Variants in TRDMT1 observed in about 807,000 individuals in gnomAD.
TRDMT1 encodes the protein tRNA aspartic acid methyltransferase 1.
Under a neutral mutation model 51.2 loss-of-function variants are expected in TRDMT1, and 49 were observed. That is an observed-to-expected ratio of 0.96 (90% CI 0.76 to 1.21). TRDMT1 has a LOEUF of 1.21. TRDMT1 is among the 50% of genes most tolerant of loss of function. The pLI is 0.00. For synonymous variants in TRDMT1, 187 were observed against 164.6 expected (o/e 1.14, Z -1.04); for missense variants, 534 against 462.3 (o/e 1.16, Z -1.42).
intron 1 of TRDMT1, among the ~76,000 whole-genome samples, chr10:17,194,318 A>C (rs1387295122): frequency 6.6e-6 from 1 of 152,204 alleles, no homozygotes; most frequent in Non-Finnish European, 1.5e-5. Flanking sequence ...GGACCTAATT[A>C]AACTACAGAC....
intron 1 of TRDMT1, among the ~76,000 whole-genome samples, chr10:17,197,896 T>C (rs1230530874): frequency 6.6e-6 from 1 of 152,002 alleles, no homozygotes; most frequent in Non-Finnish European, 1.5e-5. Flanking sequence ...TAGCCAGGCA[T>C]GGTGGCAGGG....
chr10:17,176,579 T>G (rs1052879203), intron 1 of TRDMT1, among the ~76,000 whole-genome samples: 3 of 152,220 alleles, frequency 2.0e-5, no homozygotes, highest in Non-Finnish European at 2.9e-5. Flanking sequence ...TATTTTAGAC[T>G]GTTATAAAAT....
Position 17,147,484 on chromosome 10 carries a change from A to G in TRDMT1, c.*1556T>C. The stretch of plus-strand genomic sequence containing the variant: ...AGTACACTCACACTGTTGTGCAACC[A>G]TCCTCCCCATCCACCTCCAGAACTT... On this transcript the variant is annotated 3_prime_UTR_variant, in exon 11 of 11. Transcript: ENST00000377799. 1.0e-5 allele frequency: 4 copies of G among 390,928 alleles called. No individual in the cohort carries two copies. The highest frequency in any genetic ancestry group is 1.0e-5 in the Non-Finnish European group (3 of 286,636). 24.2% of individuals were successfully genotyped at this position (390,928 alleles called of 1,614,324 possible).
At chr10:17,172,165 CAAAAT>C (rs1397328590) in intron 2 of TRDMT1, 1 of 160,218 alleles carries the variant, frequency 6.2e-6, no homozygotes, top group Non-Finnish European at 1.5e-5. Flanking sequence ...CAGAGCACAT[CAAAAT>C]AAAACTTTTC....
Position 17,201,506 on chromosome 10 carries a change from C to T in TRDMT1, c.64+65G>A, listed in dbSNP as rs1023869985. On this transcript the variant is annotated intron_variant, in intron 1 of 10. Transcript: ENST00000377799. ...TGCGTCTCGCCGCTCCGCCCCTTCC[C>T]GGCGCGGGTGCTCCAACCAGCCCCC... is the stretch of plus-strand genomic sequence containing the variant. 1.7e-4 allele frequency: 229 copies of T among 1,386,496 alleles called. 1 individual carries two copies. The highest frequency in any genetic ancestry group is 3.6e-4 in the Middle Eastern group (2 of 5,626). 85.9% of individuals were successfully genotyped at this position (1,386,496 alleles called of 1,614,324 possible). A position where few individuals can be genotyped will look rare whatever the true frequency, so the allele number is the denominator to read the frequency against.
At chr10:17,157,878 T>C (rs923498525) in intron 7 of TRDMT1, 94 bp from the exon 8 acceptor site, 1 of 907,618 alleles carries the variant, frequency 1.1e-6, no homozygotes, top group Non-Finnish European at 1.6e-6. Context: ...AACAACCTCA[T>C]TAGCCTTTAT....
chr10:17,156,094 T>C (rs1339852111), intron 8 of TRDMT1, among the ~76,000 whole-genome samples: 1 of 152,150 alleles, frequency 6.6e-6, no homozygotes, highest in Non-Finnish European at 1.5e-5. Flanking sequence ...ATGGTTCTAC[T>C]GGGGTACAGT....
rs76162898 is a variant in TRDMT1, at chr10:17,169,921, C to T, written c.175-1004G>A. 9.3e-3 allele frequency among the ~76,000 whole-genome samples: 1,411 copies of T among 152,246 alleles called. 12 individuals are homozygous for T. Among genetic ancestry groups the T allele is most frequent in the Non-Finnish European group, 0.015 (997 of 68,018 alleles). On this transcript the variant is annotated intron_variant, in intron 2 of 10. Transcript: ENST00000377799. ...ACTCCCCAGTGTTAAGGAAAGCAAT[C>T]TGAAAATCCTACACTGAGCAGTCTG...
rs1482751905 is a variant in TRDMT1 at position 17,183,122 on chromosome 10, C to G, written c.65-8462G>C. 3.3e-5 allele frequency among the ~76,000 whole-genome samples: 5 copies of G among 152,246 alleles called. No individual in the cohort carries two copies. The East Asian group carries it at 9.6e-4, about 29-fold the overall frequency. On this transcript the variant is annotated intron_variant, in intron 1 of 10. Transcript: ENST00000377799. Reference sequence around the variant, plus strand: ...CAAGTATGTAAAGATAAGAGTGTATCATTACATACATGTATGAAAATAGAG... The same window carrying G: ...CAAGTATGTAAAGATAAGAGTGTATGATTACATACATGTATGAAAATAGAG...
intron 2 of TRDMT1, among the ~76,000 whole-genome samples, chr10:17,171,320 G>C (rs562368366): frequency 5.9e-5 from 9 of 152,278 alleles, no homozygotes; most frequent in African/African-American, 2.2e-4. Context: ...CACCTGAAGA[G>C]TGTGCCATTC....
At position 17,175,901 on chromosome 10, in the gene TRDMT1, G is replaced by A. The variant is rs534472947; in HGVS notation, c.65-1241C>T. Among the ~76,000 whole-genome samples the A allele has an allele frequency of 2.0e-5, 3 of 152,270 alleles. No individual in the cohort carries two copies. In the East Asian group the frequency reaches 5.8e-4, roughly 29 times the overall value. On this transcript the variant is annotated intron_variant, in intron 1 of 10. Coordinates refer to ENST00000377799, the MANE Select transcript of TRDMT1 (RefSeq NM_004412.7). ...GCTGCTAGGCTCAAGACACTCAGCAGGTATCCTGCTGAAAAGTAAGATCCC... is the reference window on the plus strand; with the variant it reads ...GCTGCTAGGCTCAAGACACTCAGCAAGTATCCTGCTGAAAAGTAAGATCCC...
chr10:17,201,318 C>T (rs1255007106), intron 1 of TRDMT1: 1 of 481,756 alleles, frequency 2.1e-6, no homozygotes, highest in African/African-American at 2.0e-5. Context: ...AATCCCGACT[C>T]CCAACTGGGC....
rs147664206 is a variant in TRDMT1 at position 17,173,697 on chromosome 10, G to A, written c.174+854C>T. Among the ~76,000 whole-genome samples the A allele has an allele frequency of 1.3e-4, 19 of 150,586 alleles. No homozygotes were observed. The East Asian group carries it at 3.5e-3, about 28-fold the overall frequency. ...ACAATAAACTACATATTTATTGCATGTAAATTATGAGAAATTTCATGAGAA... is the reference window on the plus strand; with the variant it reads ...ACAATAAACTACATATTTATTGCATATAAATTATGAGAAATTTCATGAGAA... On this transcript the variant is annotated intron_variant, in intron 2 of 10. Coordinates refer to ENST00000377799, the MANE Select transcript of TRDMT1 (RefSeq NM_004412.7).
chr10:17,193,948 G>A (rs1845038938), intron 1 of TRDMT1, among the ~76,000 whole-genome samples: 1 of 152,050 alleles, frequency 6.6e-6, no homozygotes, highest in South Asian at 2.1e-4. Flanking sequence ...GCATGGTACT[G>A]GTACAAAACA....
intron 1 of TRDMT1, 33 bp downstream of exon 1, chr10:17,201,538 G>T (rs372904838): frequency 7.8e-6 from 12 of 1,540,886 alleles, no homozygotes; most frequent in Non-Finnish European, 1.1e-5. Context: ...CCCCGTGAGC[G>T]AATAGAGAGA....
In TRDMT1 at chr10:17,149,015, A is replaced by G. The variant is rs1838352589; in HGVS notation, c.*25T>C. 6.3e-7 allele frequency: 1 copy of G among 1,577,712 alleles called. No individual in the cohort carries two copies. The highest frequency in any genetic ancestry group is 8.6e-7 in the Non-Finnish European group (1 of 1,161,832). On this transcript the variant is annotated 3_prime_UTR_variant, in exon 11 of 11. Coordinates refer to ENST00000377799, the MANE Select transcript of TRDMT1 (RefSeq NM_004412.7). ...TCTGAAAATGAAGGAATATCATATG[A>G]CCATCTTTCAGAGTTATTTCAAAAT...
chr10:17,139,380 T>C lies in TRDMT1; in HGVS notation c.*9660A>G, dbSNP rs987772807. 6.6e-6 allele frequency among the ~76,000 whole-genome samples: 1 copy of C among 152,174 alleles called. No homozygotes were observed. Among genetic ancestry groups the C allele is most frequent in the African/African-American group, 2.4e-5 (1 of 41,444 alleles). On this transcript the variant is annotated 3_prime_UTR_variant, in exon 11 of 11. Coordinates refer to ENST00000377799, the MANE Select transcript of TRDMT1 (RefSeq NM_004412.7). ...GTGGTAAATAACTGCAAACAACTTATATTGGATCTGATCTTAGGAAAAGGG... is the reference window on the plus strand; with the variant it reads ...GTGGTAAATAACTGCAAACAACTTACATTGGATCTGATCTTAGGAAAAGGG...
chr10:17,149,783 T>C (rs892581943), intron 10 of TRDMT1, among the ~76,000 whole-genome samples: 6 of 152,166 alleles, frequency 3.9e-5, no homozygotes, highest in Non-Finnish European at 7.4e-5. Flanking sequence ...GTTTTAAACA[T>C]TCATTCATGT....
At chr10:17,164,757 C>A (rs1030841318) in intron 3 of TRDMT1, among the ~76,000 whole-genome samples, 1 of 152,154 alleles carries the variant, frequency 6.6e-6, no homozygotes, top group South Asian at 2.1e-4. Context: ...CATGAGTGAA[C>A]TCCCATTCAC....
Sources: gnomAD v4.1 joint callset for allele counts (sites outside exome capture counted in the v4.1 genomes callset) on GRCh38, gnomAD v4.1.1 for gene constraint, MANE v1.5 for transcripts, NCBI Gene and HGNC (gene_info 2026-07-23, HGNC 2026-07-21) for gene names.